OCA2: variants seen among roughly 807,000 people sequenced by gnomAD.
The protein encoded by OCA2 is P protein.
Under a neutral mutation model 100.2 loss-of-function variants are expected in OCA2, and 77 were observed. That is an observed-to-expected ratio of 0.77 (90% confidence interval 0.64 to 0.93). The LOEUF is 0.93. OCA2 is among the 40% of genes least tolerant of loss of function. The pLI is 0.00. For missense variants in OCA2, 1,062 were observed against 1,089.1 expected (o/e 0.98, Z 0.35); for synonymous variants, 432 against 439.2 (o/e 0.98, Z 0.21).
chr15:27,842,784 C>G (rs1041109920), intron 23 of OCA2, among the ~76,000 whole-genome samples: 1 of 152,258 alleles, frequency 6.6e-6, no homozygotes, highest in African/African-American at 2.4e-5. Context: ...AGGCCACCGA[C>G]TTCCTGTCAT....
the OCA2 span, among the ~76,000 whole-genome samples, chr15:27,739,738 G>A: frequency 1.2e-3 from 190 of 152,122 alleles, 1 homozygote; most frequent in African/African-American, 4.4e-3. Context: ...GAGCCACAGC[G>A]CCTGGCCAAT....
At chr15:28,071,330 A>G (rs1412070908) in intron 2 of OCA2, among the ~76,000 whole-genome samples, 1 of 152,244 alleles carries the variant, frequency 6.6e-6, no homozygotes, top group Non-Finnish European at 1.5e-5. Flanking sequence ...TATCATAAAA[A>G]TGTCCATACT....
chr15:27,890,346 A>C (rs1486654295), intron 19 of OCA2, among the ~76,000 whole-genome samples: 1 of 152,244 alleles, frequency 6.6e-6, no homozygotes, highest in Non-Finnish European at 1.5e-5. Flanking sequence ...CTACAAATTC[A>C]AGAAGATGAA....
chr15:27,737,268 A>C, the OCA2 span, among the ~76,000 whole-genome samples: 1 of 152,240 alleles, frequency 6.6e-6, no homozygotes, highest in Non-Finnish European at 1.5e-5. Context: ...TGTAATCAAA[A>C]TCATAGCAGG....
chr15:28,062,455 G>A (rs948990872), intron 2 of OCA2, among the ~76,000 whole-genome samples: 3 of 152,090 alleles, frequency 2.0e-5, no homozygotes, highest in Non-Finnish European at 4.4e-5. Flanking sequence ...TATATATTCC[G>A]AATACTAGTC....
intron 23 of OCA2, among the ~76,000 whole-genome samples, chr15:27,760,556 C>A (rs1216511790): frequency 4.6e-5 from 7 of 151,616 alleles, no homozygotes; most frequent in African/African-American, 1.7e-4. Flanking sequence ...ATAAAATTAA[C>A]CAGCTTCTAG....
At chr15:27,961,737 G>A (rs780220150) in intron 15 of OCA2, among the ~76,000 whole-genome samples, 7 of 152,126 alleles carry the variant, frequency 4.6e-5, no homozygotes, top group African/African-American at 9.7e-5. Flanking sequence ...TCATAAGTGG[G>A]AGTTGAACAA....
chr15:28,022,510 CCAGCGGTGATAAGGCCAA>C lies in OCA2; in HGVS notation c.619_636del (p.Leu207_Leu212del), dbSNP rs767489236. ...AGTGGATTTTGGATACAGTAGTTCT[CCAGCGGTGATAAGGCCAA>C]CAGCTGCCAGAGCTTTCCTTGATCC... On this transcript the variant is annotated inframe_deletion, in exon 6 of 24. Coordinates refer to ENST00000354638, the MANE Select transcript of OCA2 (RefSeq NM_000275.3). 81 of 1,612,622 alleles carry C rather than the reference CCAGCGGTGATAAGGCCAA, an allele frequency of 5.0e-5. 1 individual carries two copies. In the African/African-American group the frequency reaches 9.9e-4, roughly 20 times the overall value.
At chr15:27,726,249 G>T in the OCA2 span, among the ~76,000 whole-genome samples, 1 of 151,966 alleles carries the variant, frequency 6.6e-6, no homozygotes, top group African/African-American at 2.4e-5. Context: ...AGTGAGCCAA[G>T]ATCATGCCAC....
chr15:28,063,580 T>C (rs1221779552), intron 2 of OCA2, among the ~76,000 whole-genome samples: 1 of 152,124 alleles, frequency 6.6e-6, no homozygotes, highest in Non-Finnish European at 1.5e-5. Flanking sequence ...GTTATTTTAG[T>C]TATTTTCTTG....
chr15:27,804,680 T>G (rs2033750749), intron 23 of OCA2, among the ~76,000 whole-genome samples: 1 of 151,960 alleles, frequency 6.6e-6, no homozygotes, highest in Non-Finnish European at 1.5e-5. Context: ...TCTAGGTGAG[T>G]AAACTAGAGC....
chr15:27,772,666 C>G (rs1321020796), intron 23 of OCA2, among the ~76,000 whole-genome samples: 1 of 151,972 alleles, frequency 6.6e-6, no homozygotes, highest in South Asian at 2.1e-4. Flanking sequence ...CACGGTGAAA[C>G]CCCATCTCTA....
chr15:27,904,503 A>G (rs758476976), intron 19 of OCA2, among the ~76,000 whole-genome samples: 32 of 152,142 alleles, frequency 2.1e-4, no homozygotes, highest in Non-Finnish European at 3.7e-4. Flanking sequence ...TGGCAGCCCC[A>G]GAGAAGAAGA....
chr15:27,914,892 G>T (rs1294812946), intron 19 of OCA2, among the ~76,000 whole-genome samples: 1 of 152,066 alleles, frequency 6.6e-6, no homozygotes, highest in African/African-American at 2.4e-5. Context: ...CAAAAAAAGA[G>T]CCCAAATAGC....
At chr15:28,061,644 G>A (rs1429842525) in intron 2 of OCA2, among the ~76,000 whole-genome samples, 1 of 152,044 alleles carries the variant, frequency 6.6e-6, no homozygotes, top group African/African-American at 2.4e-5. Flanking sequence ...ACAGAGAGAA[G>A]GCACCATTTA....
chr15:28,046,550 A>G (rs2043353863), intron 2 of OCA2, among the ~76,000 whole-genome samples: 1 of 152,294 alleles, frequency 6.6e-6, no homozygotes. Flanking sequence ...ATCTCCTACC[A>G]TGCCCCATGG....
intron 9 of OCA2, among the ~76,000 whole-genome samples, chr15:28,013,085 G>A (rs755226752): frequency 3.3e-5 from 5 of 152,086 alleles, no homozygotes; most frequent in South Asian, 2.1e-4. Flanking sequence ...AGCATTCTCC[G>A]CACCCCTGAC....
In OCA2 at chr15:27,755,287, C is replaced by T. The variant is rs2030249213; in HGVS notation, c.*101G>A. ...GTCTCTGTAGCATCTCCAGGGTAAG[C>T]ACCTTTTCTTCTTCAAACAGTGGGG... On this transcript the variant is annotated 3_prime_UTR_variant, in exon 24 of 24. Transcript: ENST00000354638. 1 of 826,324 alleles carries T rather than the reference C, an allele frequency of 1.2e-6. No individual in the cohort carries two copies. Among genetic ancestry groups the T allele is most frequent in the Non-Finnish European group, 2.1e-6 (1 of 478,786 alleles). 51.2% of individuals were successfully genotyped at this position (826,324 alleles called of 1,614,324 possible).
At chr15:27,987,131 G>C in intron 11 of OCA2, among the ~76,000 whole-genome samples, 1 of 152,078 alleles carries the variant, frequency 6.6e-6, no homozygotes, top group Admixed American at 6.5e-5. Context: ...ACTGATTTTT[G>C]TCACCAATTT....
Sources: allele counts gnomAD v4.1 joint callset (sites outside exome capture counted in the v4.1 genomes callset), GRCh38; gene constraint gnomAD v4.1.1; transcripts MANE v1.5; gene names NCBI Gene and HGNC (gene_info 2026-07-23, HGNC 2026-07-21).